The following PIK3C2G variants were observed in gnomAD, a reference collection of about 807,000 sequenced individuals.
The protein encoded by PIK3C2G is phosphatidylinositol-4-phosphate 3-kinase catalytic subunit type 2 gamma.
In PIK3C2G, 168 loss-of-function variants were observed where a neutral mutation model predicts 181.1. The observed-to-expected ratio is 0.93, with a 90% CI of 0.82 to 1.05. The LOEUF (loss-of-function observed/expected upper bound fraction) is 1.05. Ranked by LOEUF, PIK3C2G falls within the 50% of genes least tolerant of loss-of-function variation. PIK3C2G has a pLI of 0.00. For missense variants in PIK3C2G, 1,869 were observed against 1,732.8 expected, an observed-to-expected ratio of 1.08 and a Z score of -1.40; for synonymous variants, 573 against 592.2, an observed-to-expected ratio of 0.97 and a Z score of 0.47.
At chr12:18,713,117 A>G in the PIK3C2G span, 42 of 1,262,326 alleles carry the variant, frequency 3.3e-5, no homozygotes, top group Non-Finnish European at 4.1e-5. Flanking sequence ...CTCTATAAAA[A>G]CTTGTCTTTG....
At chr12:18,527,742 T>A (rs995360551) in intron 24 of PIK3C2G, among the ~76,000 whole-genome samples, 12 of 152,108 alleles carry the variant, frequency 7.9e-5, no homozygotes, top group African/African-American at 2.4e-4. Flanking sequence ...GAAATTCTGA[T>A]CTACTATGAA....
At chr12:18,605,610 G>T (rs1327528288) in intron 30 of PIK3C2G, among the ~76,000 whole-genome samples, 1 of 152,142 alleles carries the variant, frequency 6.6e-6, no homozygotes, top group Non-Finnish European at 1.5e-5. Flanking sequence ...TATCCTTGAT[G>T]AACACAGTCA....
At chr12:18,409,524 T>A (rs1331623912) in intron 16 of PIK3C2G, among the ~76,000 whole-genome samples, 1 of 152,092 alleles carries the variant, frequency 6.6e-6, no homozygotes, top group Non-Finnish European at 1.5e-5. Context: ...TCTGAACATG[T>A]ACCCCAGAAC....
At chr12:18,486,836 A>G (rs138286500) in intron 18 of PIK3C2G, among the ~76,000 whole-genome samples, 1 of 152,288 alleles carries the variant, frequency 6.6e-6, no homozygotes, top group Non-Finnish European at 1.5e-5. Context: ...GCAGTACACA[A>G]TTCTGCAAAA....
chr12:18,724,186 T>C, the PIK3C2G span, among the ~76,000 whole-genome samples: 3 of 152,200 alleles, frequency 2.0e-5, no homozygotes, highest in South Asian at 6.2e-4. Context: ...GCATTTCCAA[T>C]TGGAAGAGTT....
the PIK3C2G span, among the ~76,000 whole-genome samples, chr12:18,724,081 C>A: frequency 6.6e-6 from 1 of 151,914 alleles, no homozygotes; most frequent in East Asian, 1.9e-4. Context: ...TTGAACTTTA[C>A]GAGAAAAGGC....
chr12:18,262,300 A>G (rs1393260960), intron 1 of PIK3C2G, among the ~76,000 whole-genome samples: 4 of 152,106 alleles, frequency 2.6e-5, no homozygotes, highest in African/African-American at 4.8e-5. Flanking sequence ...ATTCTTTCAA[A>G]CTAATCATAA....
At chr12:18,618,143 T>C (rs941233227) in intron 31 of PIK3C2G, among the ~76,000 whole-genome samples, 5 of 152,134 alleles carry the variant, frequency 3.3e-5, no homozygotes, top group Admixed American at 3.3e-4. Flanking sequence ...CCTGTAGAGC[T>C]GTGCCCTGAG....
the PIK3C2G span, among the ~76,000 whole-genome samples, chr12:18,677,117 A>C: frequency 6.6e-6 from 1 of 152,092 alleles, no homozygotes. Context: ...TTTGATGTAG[A>C]AAAGGGGAGT....
At chr12:18,333,018 G>A (rs1000179642) in intron 8 of PIK3C2G, among the ~76,000 whole-genome samples, 1 of 152,050 alleles carries the variant, frequency 6.6e-6, no homozygotes, top group Non-Finnish European at 1.5e-5. Flanking sequence ...CTCACACCTG[G>A]CCTTTAAAAA....
At chr12:18,481,420 T>C (rs915180277) in intron 18 of PIK3C2G, among the ~76,000 whole-genome samples, 1 of 152,172 alleles carries the variant, frequency 6.6e-6, no homozygotes, top group Non-Finnish European at 1.5e-5. Flanking sequence ...TTTCCCTCCA[T>C]AGCTACCAGC....
the PIK3C2G span, among the ~76,000 whole-genome samples, chr12:18,702,829 T>TC: frequency 6.7e-6 from 1 of 148,328 alleles, no homozygotes; most frequent in Admixed American, 6.7e-5. Context: ...TTTTTTTTTT[T>TC]TTTTTTTTTG....
intron 13 of PIK3C2G, among the ~76,000 whole-genome samples, chr12:18,374,998 A>G (rs796097616): frequency 8.5e-5 from 13 of 152,328 alleles, no homozygotes; most frequent in African/African-American, 3.1e-4. Context: ...TCTCTTTTAA[A>G]TTGCCCAGTC....
the PIK3C2G span, chr12:18,688,007 C>G: frequency 6.4e-7 from 1 of 1,556,830 alleles, no homozygotes; most frequent in Non-Finnish European, 8.7e-7. Context: ...TAAATATGTA[C>G]AAAAACTCTA....
At chr12:18,512,862 G>C (rs922934638) in intron 24 of PIK3C2G, among the ~76,000 whole-genome samples, 6 of 151,844 alleles carry the variant, frequency 4.0e-5, no homozygotes, top group African/African-American at 9.7e-5. Flanking sequence ...GGGCATCCTT[G>C]TCCTGTCTCT....
intron 11 of PIK3C2G, among the ~76,000 whole-genome samples, chr12:18,357,792 T>C (rs948132141): frequency 6.6e-6 from 1 of 152,202 alleles, no homozygotes; most frequent in Admixed American, 6.5e-5. Context: ...CTTTTCTATC[T>C]CCAAGTGCCC....
chr12:18,521,428 C>T (rs533342807), intron 24 of PIK3C2G, among the ~76,000 whole-genome samples: 2 of 152,322 alleles, frequency 1.3e-5, no homozygotes, highest in African/African-American at 4.8e-5. Flanking sequence ...GATCAGAGTT[C>T]TGTCCCCAAG....
rs1950267212 is a variant in PIK3C2G, at chr12:18,648,404, T to C, written c.*376T>C. The C allele has an allele frequency of 4.7e-6, 1 of 214,862 alleles. No homozygotes were observed. Among genetic ancestry groups the C allele is most frequent in the Non-Finnish European group, 9.4e-6 (1 of 106,366 alleles). 13.3% of individuals were successfully genotyped at this position (214,862 alleles called of 1,614,324 possible). A position where few individuals can be genotyped will look rare whatever the true frequency, so the allele number is the denominator to read the frequency against. The stretch of plus-strand genomic sequence containing the variant: ...AAGAAAGACAATCAAATAAACCTCA[T>C]CAATTAATTCAAGATCTAGGTATAT... On this transcript the variant is annotated 3_prime_UTR_variant, in exon 33 of 33. Coordinates refer to ENST00000538779, the MANE Select transcript of PIK3C2G (RefSeq NM_001288772.2).
chr12:18,268,962 T>G (rs1370983447), intron 1 of PIK3C2G, among the ~76,000 whole-genome samples: 2 of 152,076 alleles, frequency 1.3e-5, no homozygotes, highest in African/African-American at 4.8e-5. Flanking sequence ...TCACTCAGGC[T>G]GGAGTGCAGT....
Sources: allele counts gnomAD v4.1 joint callset (sites outside exome capture counted in the v4.1 genomes callset), GRCh38; gene constraint gnomAD v4.1.1; transcripts MANE v1.5; gene names NCBI Gene and HGNC (gene_info 2026-07-23, HGNC 2026-07-21).